Variants in L3MBTL3 observed in about 807,000 individuals in gnomAD.
The protein encoded by L3MBTL3 is L3MBTL histone methyl-lysine binding protein 3.
A neutral mutation model predicts 102.3 loss-of-function variants in L3MBTL3; 27 were observed. The ratio of observed to expected loss-of-function variants is 0.26; its 90% CI spans 0.19 to 0.36. The LOEUF is 0.36. Ranked by LOEUF, L3MBTL3 falls within the 10% of genes least tolerant of loss-of-function variation. The probability of loss-of-function intolerance (pLI) is 1.00; values close to 1 mark genes in which losing one functional copy is unlikely to be tolerated. For missense variants in L3MBTL3, 798 were observed against 955.3 expected (o/e 0.84, Z 2.17); for synonymous variants, 340 against 320.9 (o/e 1.06, Z -0.64).
At chr6:130,103,256 A>C (rs887105418) in intron 18 of L3MBTL3, among the ~76,000 whole-genome samples, 2 of 152,210 alleles carry the variant, frequency 1.3e-5, no homozygotes, top group Non-Finnish European at 2.9e-5. Flanking sequence ...TCAGCACATG[A>C]TCAGATGTTA....
At chr6:130,106,275 G>T (rs1406895708) in intron 19 of L3MBTL3, among the ~76,000 whole-genome samples, 1 of 151,976 alleles carries the variant, frequency 6.6e-6, no homozygotes, top group East Asian at 1.9e-4. Flanking sequence ...GAGTCAATGA[G>T]GTCTGACCTG....
intron 12 of L3MBTL3, 150 bp from the exon 13 acceptor site, chr6:130,070,826 C>A (rs150958852): frequency 1.1e-5 from 2 of 175,158 alleles, no homozygotes; most frequent in East Asian, 1.6e-4. Context: ...TGTTGGAAAG[C>A]GACCCTGCTG....
chr6:130,120,523 A>AT (rs1409301969), intron 19 of L3MBTL3, among the ~76,000 whole-genome samples: 1 of 152,200 alleles, frequency 6.6e-6, no homozygotes, highest in African/African-American at 2.4e-5. Context: ...GACTTCCAAA[A>AT]CGTCTTCTTT....
chr6:130,026,601 A>G (rs983207448), intron 2 of L3MBTL3, among the ~76,000 whole-genome samples: 2 of 152,052 alleles, frequency 1.3e-5, no homozygotes, highest in East Asian at 3.8e-4. Flanking sequence ...TCTTTTTAAA[A>G]CCAAGAATTG....
chr6:130,060,398 G>A (rs1319927217), intron 10 of L3MBTL3, among the ~76,000 whole-genome samples: 4 of 152,112 alleles, frequency 2.6e-5, no homozygotes, highest in Admixed American at 6.5e-5. Flanking sequence ...GGTAGAACCC[G>A]GATTTGAACC....
At chr6:130,047,774 C>T (rs1451698134) in intron 3 of L3MBTL3, among the ~76,000 whole-genome samples, 1 of 152,094 alleles carries the variant, frequency 6.6e-6, no homozygotes, top group East Asian at 1.9e-4. Context: ...ATGGTACTGT[C>T]AGCCTTATTT....
At chr6:130,114,047 C>T (rs1050343757) in intron 19 of L3MBTL3, among the ~76,000 whole-genome samples, 2 of 152,184 alleles carry the variant, frequency 1.3e-5, no homozygotes, top group Non-Finnish European at 2.9e-5. Context: ...ACTAGGCATT[C>T]TCTGGCTATT....
At chr6:130,107,485 G>A (rs914975255) in intron 19 of L3MBTL3, among the ~76,000 whole-genome samples, 8 of 152,236 alleles carry the variant, frequency 5.3e-5, no homozygotes, top group South Asian at 4.1e-4. Context: ...CCTAGAGGTA[G>A]CAAGTAATCT....
chr6:130,077,741 C>G (rs556470684), intron 13 of L3MBTL3, among the ~76,000 whole-genome samples: 2 of 152,272 alleles, frequency 1.3e-5, no homozygotes, highest in South Asian at 4.1e-4. Flanking sequence ...CTTCTAGTTT[C>G]CCATCAAGAG....
intron 18 of L3MBTL3, among the ~76,000 whole-genome samples, chr6:130,103,566 ATTTCCAGATTTAAGAATGCT>A (rs2115342820): frequency 6.6e-6 from 1 of 152,330 alleles, no homozygotes; most frequent in East Asian, 1.9e-4. Context: ...GGCCCAAACC[ATTTCCAGATTTAAGAATGCT>A]TCCCAAAAGC....
At chr6:130,116,308 C>T (rs1338693813) in intron 19 of L3MBTL3, among the ~76,000 whole-genome samples, 1 of 151,968 alleles carries the variant, frequency 6.6e-6, no homozygotes, top group East Asian at 1.9e-4. Flanking sequence ...ATTTATTATC[C>T]TTGTTTTACC....
intron 14 of L3MBTL3, among the ~76,000 whole-genome samples, chr6:130,078,969 G>A (rs1268402623): frequency 1.3e-5 from 2 of 152,114 alleles, no homozygotes; most frequent in African/African-American, 4.8e-5. Context: ...AAAAAGTTCT[G>A]TTTTAAAAGA....
chr6:130,134,498 T>C (rs1180435750), intron 22 of L3MBTL3, among the ~76,000 whole-genome samples: 1 of 152,230 alleles, frequency 6.6e-6, no homozygotes, highest in Non-Finnish European at 1.5e-5. Context: ...AAGAATGATA[T>C]CACTTACAGT....
intron 10 of L3MBTL3, among the ~76,000 whole-genome samples, chr6:130,066,109 C>T (rs1290788281): frequency 6.6e-6 from 1 of 152,022 alleles, no homozygotes; most frequent in Non-Finnish European, 1.5e-5. Flanking sequence ...GCCCCCTATC[C>T]GTGTGGTTGT....
Position 130,104,420 on chromosome 6 carries a change from T to C in L3MBTL3, c.1737-6T>C. ...CTTTTTTTTTTCTTTTCTTTTAATC[T>C]GTTAGTGCTGCCAACTGTCCCTATT... On this transcript the variant is annotated splice_region_variant and splice_polypyrimidine_tract_variant and intron_variant, in intron 18 of 22. Coordinates refer to ENST00000361794, the MANE Select transcript of L3MBTL3 (RefSeq NM_032438.4). 4 of 1,525,486 alleles carry C rather than the reference T, an allele frequency of 2.6e-6. No individual in the cohort carries two copies. Among genetic ancestry groups the C allele is most frequent in the Non-Finnish European group, 3.5e-6 (4 of 1,142,822 alleles). 94.5% of individuals were successfully genotyped at this position (1,525,486 alleles called of 1,614,324 possible).
intron 18 of L3MBTL3, among the ~76,000 whole-genome samples, chr6:130,095,941 G>A (rs1189102146): frequency 6.6e-6 from 1 of 151,986 alleles, no homozygotes; most frequent in East Asian, 1.9e-4. Flanking sequence ...TTTTGGAGGG[G>A]GTATTCAAAC....
At chr6:130,043,040 C>G (rs990265510) in intron 3 of L3MBTL3, among the ~76,000 whole-genome samples, 1 of 152,120 alleles carries the variant, frequency 6.6e-6, no homozygotes, top group Non-Finnish European at 1.5e-5. Context: ...GTGCTTATTT[C>G]GCAGAAATTG....
intron 2 of L3MBTL3, among the ~76,000 whole-genome samples, chr6:130,028,052 G>C (rs1157305844): frequency 6.7e-6 from 1 of 150,076 alleles, no homozygotes; most frequent in African/African-American, 2.4e-5. Flanking sequence ...ATGTCAGTTT[G>C]TGATTTCACT....
intron 18 of L3MBTL3, among the ~76,000 whole-genome samples, chr6:130,100,480 T>C (rs983511014): frequency 6.6e-6 from 1 of 152,150 alleles, no homozygotes; most frequent in African/African-American, 2.4e-5. Context: ...CCCTTTTGAC[T>C]CTTCTCAGGG....
Sources: allele counts gnomAD v4.1 joint callset (sites outside exome capture counted in the v4.1 genomes callset), GRCh38; gene constraint gnomAD v4.1.1; transcripts MANE v1.5; gene names NCBI Gene and HGNC (gene_info 2026-07-23, HGNC 2026-07-21).